The following SESTD1 variants were observed in gnomAD, a reference collection of about 807,000 sequenced individuals.
SESTD1 encodes the protein SEC14 domain and spectrin repeat-containing protein 1.
SESTD1 carries 43 observed loss-of-function variants against 101.7 expected under a neutral mutation model. The observed-to-expected ratio is 0.42, with a 90% CI of 0.33 to 0.55. The LOEUF (loss-of-function observed/expected upper bound fraction) is 0.55. Among genes scored for constraint, SESTD1 ranks in the 20% least tolerant of loss-of-function variants. The pLI, the probability that SESTD1 is intolerant of heterozygous loss-of-function variation, is 0.07. For missense variants in SESTD1, 647 were observed against 815.1 expected, an observed-to-expected ratio of 0.79 and a Z score of 2.51; for synonymous variants, 283 against 286.8, an observed-to-expected ratio of 0.99 and a Z score of 0.13.
intron 4 of SESTD1, among the ~76,000 whole-genome samples, chr2:179,172,655 T>C (rs1402106798): frequency 6.6e-6 from 1 of 152,212 alleles, no homozygotes; most frequent in Non-Finnish European, 1.5e-5. Context: ...TAAAATAAGT[T>C]TTTTATCAGT....
chr2:179,185,639 T>C (rs1343580504), intron 2 of SESTD1, among the ~76,000 whole-genome samples: 2 of 128,638 alleles, frequency 1.6e-5, no homozygotes, highest in Non-Finnish European at 3.1e-5. Flanking sequence ...TAATATAGCA[T>C]ATTATATACA....
rs904472882 is a variant in SESTD1 at position 179,106,560 on chromosome 2, G to C, written c.*3339C>G. ...TTAATTGTCATGCTCACGCTAAGGA[G>C]TACGACACTAATAATACCACTCCGT... On this transcript the variant is annotated 3_prime_UTR_variant, in exon 18 of 18. Coordinates refer to ENST00000428443, the MANE Select transcript of SESTD1 (RefSeq NM_178123.5). 3.3e-5 allele frequency: 5 copies of C among 152,120 alleles called. No individual in the cohort carries two copies. Among genetic ancestry groups the C allele is most frequent in the African/African-American group, 1.2e-4 (5 of 41,414 alleles). The allele number at this position is 152,120 out of a possible 1,614,324, so 9.4% of individuals were successfully genotyped here. A position where few individuals can be genotyped will look rare whatever the true frequency, so the allele number is the denominator to read the frequency against.
intron 1 of SESTD1, among the ~76,000 whole-genome samples, chr2:179,252,218 C>G (rs1386355219): frequency 6.6e-6 from 1 of 152,168 alleles, no homozygotes; most frequent in East Asian, 1.9e-4. Context: ...ATTCAGAGGC[C>G]CTAATGCATC....
chr2:179,197,739 C>T (rs1179542890), intron 1 of SESTD1, among the ~76,000 whole-genome samples: 2 of 151,654 alleles, frequency 1.3e-5, no homozygotes, highest in African/African-American at 4.8e-5. Context: ...AAATAAAATC[C>T]TTTACAGACA....
rs1183620168 is a variant in SESTD1 at position 179,201,504 on chromosome 2, C to G, written c.-25-9638G>C. ...TTTATTGTGGCATTATCCACAATAGCAAAGGCTTGGAACCAACCCAAATGT... is the reference window on the plus strand; with the variant it reads ...TTTATTGTGGCATTATCCACAATAGGAAAGGCTTGGAACCAACCCAAATGT... On this transcript the variant is annotated intron_variant, in intron 1 of 17. Transcript: ENST00000428443. Among the ~76,000 whole-genome samples, 4 of 133,340 alleles carry G rather than the reference C, an allele frequency of 3.0e-5. 2 individuals carry two copies. Among genetic ancestry groups the G allele is most frequent in the Non-Finnish European group, 6.4e-5 (4 of 62,516 alleles). The allele number at this position is 133,340 out of a possible 152,430, so 87.5% of individuals were successfully genotyped here. A position where few individuals can be genotyped will look rare whatever the true frequency, so the allele number is the denominator to read the frequency against.
chr2:179,252,018 T>C (rs147216086), intron 1 of SESTD1, among the ~76,000 whole-genome samples: 1 of 152,340 alleles, frequency 6.6e-6, no homozygotes, highest in African/African-American at 2.4e-5. Context: ...TTCCACAGTA[T>C]CTGATGTCAG....
chr2:179,207,546 C>A (rs2105514595), intron 1 of SESTD1, among the ~76,000 whole-genome samples: 1 of 135,270 alleles, frequency 7.4e-6, no homozygotes, highest in East Asian at 2.0e-4. Flanking sequence ...GACCTAAAGA[C>A]AGATGACATC....
intron 1 of SESTD1, among the ~76,000 whole-genome samples, chr2:179,231,315 A>C (rs1370390139): frequency 6.6e-6 from 1 of 152,192 alleles, no homozygotes; most frequent in Non-Finnish European, 1.5e-5. Context: ...ATGCAACTGA[A>C]GAAAATGGAA....
At chr2:179,160,806 T>C (rs1476907164) in intron 5 of SESTD1, among the ~76,000 whole-genome samples, 1 of 127,422 alleles carries the variant, frequency 7.8e-6, no homozygotes, top group Admixed American at 7.0e-5. Context: ...ATCATTCTAC[T>C]TTTTTTTTGC....
At chr2:179,114,002 T>A (rs1312679945) in intron 16 of SESTD1, among the ~76,000 whole-genome samples, 1 of 152,206 alleles carries the variant, frequency 6.6e-6, no homozygotes, top group Non-Finnish European at 1.5e-5. Context: ...TGTTCTGTTT[T>A]TTTTGAACAG....
intron 3 of SESTD1, among the ~76,000 whole-genome samples, chr2:179,181,778 A>G (rs1046114425): frequency 1.3e-5 from 2 of 152,178 alleles, no homozygotes; most frequent in Non-Finnish European, 2.9e-5. Context: ...TTTGTAAGCT[A>G]TAAGTCTGGC....
rs1297030016 is a variant in SESTD1 at position 179,104,958 on chromosome 2, A to G, written c.*4941T>C. ...TTTCATGTTTGCTTTAAAATTCTGC[A>G]GTAATGTTGAGTCATATTAAGTGTC... On this transcript the variant is annotated 3_prime_UTR_variant, in exon 18 of 18. Coordinates refer to ENST00000428443, the MANE Select transcript of SESTD1 (RefSeq NM_178123.5). 1 of 152,118 alleles carries G rather than the reference A, an allele frequency of 6.6e-6. No homozygotes were observed. Among genetic ancestry groups the G allele is most frequent in the Admixed American group, 6.6e-5 (1 of 15,252 alleles). 9.4% of individuals were successfully genotyped at this position (152,118 alleles called of 1,614,324 possible).
At chr2:179,139,263 T>C (rs1181903056) in intron 9 of SESTD1, among the ~76,000 whole-genome samples, 2 of 152,156 alleles carry the variant, frequency 1.3e-5, no homozygotes, top group Admixed American at 6.5e-5. Flanking sequence ...ACCCCTGCAA[T>C]TTGTACCATC....
chr2:179,201,044 A>T lies in SESTD1; in HGVS notation c.-25-9178T>A, dbSNP rs935960703. On this transcript the variant is annotated intron_variant, in intron 1 of 17. Transcript: ENST00000428443. ...CTCATTTGACAAAGGGCTAATATCC[A>T]GAATCTACAATGAACTCCAACAAAT... 7.4e-5 allele frequency among the ~76,000 whole-genome samples: 10 copies of T among 134,768 alleles called. 3 individuals are homozygous for T. Among genetic ancestry groups the T allele is most frequent in the African/African-American group, 2.9e-4 (10 of 33,922 alleles). The allele number at this position is 134,768 out of a possible 152,430, so 88.4% of individuals were successfully genotyped here. A position where few individuals can be genotyped will look rare whatever the true frequency, so the allele number is the denominator to read the frequency against.
intron 9 of SESTD1, among the ~76,000 whole-genome samples, chr2:179,140,694 C>T (rs1404496710): frequency 6.6e-6 from 1 of 152,178 alleles, no homozygotes; most frequent in Non-Finnish European, 1.5e-5. Flanking sequence ...GCTTCCTTCA[C>T]CACACCTCCC....
intron 1 of SESTD1, among the ~76,000 whole-genome samples, chr2:179,197,690 T>G (rs1369678745): frequency 6.6e-6 from 1 of 152,126 alleles, no homozygotes; most frequent in Non-Finnish European, 1.5e-5. Context: ...CAACCCAGAA[T>G]TTCATATCCA....
At chr2:179,152,293 T>C (rs902321644) in intron 5 of SESTD1, among the ~76,000 whole-genome samples, 4 of 152,032 alleles carry the variant, frequency 2.6e-5, no homozygotes, top group Non-Finnish European at 4.4e-5. Flanking sequence ...CTGTAACTAG[T>C]TTGAAGTTGA....
intron 9 of SESTD1, among the ~76,000 whole-genome samples, chr2:179,142,300 G>C (rs2045296700): frequency 6.6e-6 from 1 of 152,192 alleles, no homozygotes; most frequent in Admixed American, 6.5e-5. Flanking sequence ...CTAGAGTAGA[G>C]TCTAGTTCAA....
At chr2:179,224,573 G>A (rs1001250750) in intron 1 of SESTD1, among the ~76,000 whole-genome samples, 5 of 152,084 alleles carry the variant, frequency 3.3e-5, no homozygotes, top group African/African-American at 9.7e-5. Flanking sequence ...GATGGGGGCC[G>A]GTTGCCAGGG....
Sources: allele counts gnomAD v4.1 joint callset (sites outside exome capture counted in the v4.1 genomes callset), GRCh38; gene constraint gnomAD v4.1.1; transcripts MANE v1.5; gene names NCBI Gene and HGNC (gene_info 2026-07-23, HGNC 2026-07-21).